Variants in TLE3 observed in about 807,000 individuals in gnomAD.
TLE3 encodes the protein transducin-like enhancer protein 3.
A neutral mutation model predicts 93.0 loss-of-function variants in TLE3; 14 were observed. The ratio of observed to expected loss-of-function variants is 0.15; its 90% CI spans 0.10 to 0.24. The LOEUF is 0.24. Ranked by LOEUF, TLE3 falls within the 10% of genes least tolerant of loss-of-function variation. TLE3 has a pLI of 1.00. For synonymous variants in TLE3, 451 were observed against 425.0 expected, an observed-to-expected ratio of 1.06 and a Z score of -0.75; for missense variants, 693 against 1,046.6, an observed-to-expected ratio of 0.66 and a Z score of 4.66.
At chr15:70,069,540 G>C (rs1222558967) in intron 6 of TLE3, among the ~76,000 whole-genome samples, 2 of 152,222 alleles carry the variant, frequency 1.3e-5, no homozygotes, top group African/African-American at 4.8e-5. Flanking sequence ...CAAAACTGAA[G>C]CGTTCCTCAT....
At chr15:70,056,158 G>C in intron 14 of TLE3, 140 bp downstream of exon 14, 2 of 941,656 alleles carry the variant, frequency 2.1e-6, no homozygotes, top group Non-Finnish European at 3.4e-6. Context: ...GGTGCCTCTA[G>C]AGGGACAGAT....
intron 8 of TLE3, chr15:70,060,894 T>C: frequency 1.9e-6 from 1 of 519,496 alleles, no homozygotes; most frequent in Admixed American, 2.5e-5. Flanking sequence ...AGCTCTGCAC[T>C]GCTATTAAAT....
chr15:70,052,316 C>A (rs997695045), intron 18 of TLE3, 58 bp downstream of exon 18: 2 of 1,588,254 alleles, frequency 1.3e-6, no homozygotes, highest in Admixed American at 3.4e-5. Flanking sequence ...CCTGTTGGGC[C>A]AGGCTGCCCT....
intron 3 of TLE3, chr15:70,095,241 T>TGG (rs1445825190): frequency 8.7e-7 from 1 of 1,154,354 alleles, no homozygotes; most frequent in Admixed American, 4.3e-5. Context: ...TCACATGGGC[T>TGG]GGTCCAATCC....
In TLE3 at chr15:70,094,723, T is replaced by TACA. The variant is rs1252973839; in HGVS notation, c.190-150_190-148dup. 6.3e-6 allele frequency: 4 copies of TACA among 639,840 alleles called. No homozygotes were observed. In the East Asian group the frequency reaches 1.1e-4, roughly 18 times the overall value. 39.6% of individuals were successfully genotyped at this position (639,840 alleles called of 1,614,324 possible). A position where few individuals can be genotyped will look rare whatever the true frequency, so the allele number is the denominator to read the frequency against. On this transcript the variant is annotated intron_variant, in intron 3 of 19. Coordinates refer to ENST00000451782, the MANE Select transcript of TLE3 (RefSeq NM_001105192.3). The stretch of plus-strand genomic sequence containing the variant: ...TTTAAATCAAACCCCAAAGCCAGCT[T>TACA]ACAGAGCGGTTTAAGAGCTGACAAG...
Position 70,096,990 on chromosome 15 carries a change from G to A in TLE3, c.-192C>T. 2 of 572,446 alleles carry A rather than the reference G, an allele frequency of 3.5e-6. No homozygotes were observed. The allele number at this position is 572,446 out of a possible 1,614,324, so 35.5% of individuals were successfully genotyped here. On this transcript the variant is annotated 5_prime_UTR_variant, in exon 1 of 20. Coordinates refer to ENST00000451782, the MANE Select transcript of TLE3 (RefSeq NM_001105192.3). ...CCGCCCCAAGTGGAGACAAAGAGCC[G>A]CGGAGCAGGCGGCAAAGTCGTCGGC...
chr15:70,087,604 C>T (rs1203683085), intron 4 of TLE3, among the ~76,000 whole-genome samples: 1 of 152,228 alleles, frequency 6.6e-6, no homozygotes, highest in South Asian at 2.1e-4. Context: ...CTAAGACACA[C>T]GAGCCAAGCC....
chr15:70,064,583 T>C, intron 7 of TLE3, 113 bp from the exon 8 acceptor site: 3 of 1,428,084 alleles, frequency 2.1e-6, no homozygotes, highest in African/African-American at 1.4e-5. Flanking sequence ...GATTTGCTAG[T>C]GCACTGGTTT....
At chr15:70,063,062 C>A (rs959129863) in intron 8 of TLE3, among the ~76,000 whole-genome samples, 9 of 152,214 alleles carry the variant, frequency 5.9e-5, no homozygotes, top group African/African-American at 1.7e-4. Context: ...TCCAATTCCA[C>A]TGAAGTGGGT....
chr15:70,062,525 C>T (rs948177933), intron 8 of TLE3, among the ~76,000 whole-genome samples: 6 of 152,336 alleles, frequency 3.9e-5, no homozygotes, highest in African/African-American at 1.4e-4. Flanking sequence ...TTAGCGGCAT[C>T]GATCCAGCCC....
intron 14 of TLE3, 79 bp downstream of exon 14, chr15:70,056,219 G>A (rs2056011132): frequency 2.8e-6 from 4 of 1,442,584 alleles, no homozygotes; most frequent in African/African-American, 1.4e-5. Flanking sequence ...AGGGGATGAG[G>A]GGCGTTGTTG....
intron 16 of TLE3, 110 bp downstream of exon 16, chr15:70,054,328 G>T: frequency 6.8e-7 from 1 of 1,478,330 alleles, no homozygotes; most frequent in Non-Finnish European, 9.1e-7. Flanking sequence ...AACGGTTCTG[G>T]CCACCCCACA....
chr15:70,082,935 T>C (rs1244311656), intron 4 of TLE3, among the ~76,000 whole-genome samples: 3 of 152,120 alleles, frequency 2.0e-5, no homozygotes, highest in Non-Finnish European at 4.4e-5. Context: ...TCCCACCTCC[T>C]CTTTTCTTCC....
intron 4 of TLE3, among the ~76,000 whole-genome samples, chr15:70,090,662 G>A (rs1325302116): frequency 6.6e-6 from 1 of 152,130 alleles, no homozygotes; most frequent in Non-Finnish European, 1.5e-5. Flanking sequence ...CCTCAGCCCT[G>A]TGTTTATGGC....
At chr15:70,050,841 T>C (rs1429048363) in intron 19 of TLE3, 2 of 156,854 alleles carry the variant, frequency 1.3e-5, no homozygotes, top group African/African-American at 4.8e-5. Flanking sequence ...TGATCGTGTA[T>C]GGGAAAGAGT....
chr15:70,087,822 C>T, intron 4 of TLE3, among the ~76,000 whole-genome samples: 1 of 152,224 alleles, frequency 6.6e-6, no homozygotes, highest in East Asian at 1.9e-4. Context: ...ACTGCATTTT[C>T]AAAGCAATAA....
At chr15:70,066,246 C>G (rs909707446) in intron 6 of TLE3, 28 bp from the exon 7 acceptor site, 2 of 1,484,012 alleles carry the variant, frequency 1.3e-6, no homozygotes, top group Non-Finnish European at 1.8e-6. Flanking sequence ...GTGAGTACAG[C>G]TGAGTTGGGG....
intron 19 of TLE3, 152 bp downstream of exon 19, chr15:70,051,239 C>G: frequency 1.5e-6 from 1 of 675,902 alleles, no homozygotes; most frequent in South Asian, 2.0e-5. Context: ...TCTTGCTCCC[C>G]TATCAGGTAG....
intron 3 of TLE3, 155 bp from the exon 4 acceptor site, chr15:70,094,731 G>T (rs2058467402): frequency 1.6e-6 from 1 of 620,982 alleles, no homozygotes; most frequent in Middle Eastern, 4.4e-4. Flanking sequence ...CTTACAGAGC[G>T]GTTTAAGAGC....
Sources: gnomAD v4.1 joint callset for allele counts (sites outside exome capture counted in the v4.1 genomes callset) on GRCh38, gnomAD v4.1.1 for gene constraint, MANE v1.5 for transcripts, NCBI Gene and HGNC (gene_info 2026-07-23, HGNC 2026-07-21) for gene names.